Variants in FAM227A observed in about 807,000 individuals in gnomAD.
FAM227A encodes the protein protein FAM227A.
FAM227A carries 80 observed loss-of-function variants against 74.7 expected under a neutral mutation model. The ratio of observed to expected loss-of-function variants is 1.07; its 90% CI spans 0.89 to 1.29. The LOEUF is 1.29. FAM227A is among the 50% of genes most tolerant of loss of function. The probability of loss-of-function intolerance (pLI) is 0.00; values close to 1 mark genes in which losing one functional copy is unlikely to be tolerated. For missense variants in FAM227A, 654 were observed against 683.4 expected (o/e 0.96, Z 0.48); for synonymous variants, 237 against 241.8 (o/e 0.98, Z 0.19).
At chr22:38,612,418 G>A (rs1487159518) in intron 11 of FAM227A, among the ~76,000 whole-genome samples, 2 of 152,040 alleles carry the variant, frequency 1.3e-5, no homozygotes, top group Non-Finnish European at 2.9e-5. Flanking sequence ...TCGCCTCAGG[G>A]CCTTTGCACA....
rs559638614 is a variant in FAM227A, at chr22:38,616,206, G to A, written c.1038+4006C>T. 9.2e-5 allele frequency among the ~76,000 whole-genome samples: 14 copies of A among 152,326 alleles called. No homozygotes were observed. In the East Asian group the frequency reaches 1.3e-3, roughly 15 times the overall value. On this transcript the variant is annotated intron_variant, in intron 11 of 16. Transcript: ENST00000535113. ...AACAAAGAAGCCAAGAGAACAAAGCGTCTCAAGAAGATGGGAGTGGCCAAC... is the reference window on the plus strand; with the variant it reads ...AACAAAGAAGCCAAGAGAACAAAGCATCTCAAGAAGATGGGAGTGGCCAAC...
intron 2 of FAM227A, among the ~76,000 whole-genome samples, chr22:38,648,151 C>T (rs531275170): frequency 6.6e-6 from 1 of 152,122 alleles, no homozygotes; most frequent in South Asian, 2.1e-4. Context: ...TTCTGTGACC[C>T]TGGAATACAA....
Position 38,582,189 on chromosome 22 carries a change from T to C in FAM227A, c.*3936A>G. 1.5e-6 allele frequency: 1 copy of C among 681,792 alleles called. No homozygotes were observed. The highest frequency in any genetic ancestry group is 2.4e-6 in the Non-Finnish European group (1 of 410,086). The allele number at this position is 681,792 out of a possible 1,614,324, so 42.2% of individuals were successfully genotyped here. ...ATATCTGTCACCCCCAAAAGTTTAT[T>C]TGGGCCTCTTTGTAACCCCTTCCAG... is the stretch of plus-strand genomic sequence containing the variant. On this transcript the variant is annotated 3_prime_UTR_variant, in exon 17 of 17. Coordinates refer to ENST00000535113, the MANE Select transcript of FAM227A (RefSeq NM_001013647.2).
At chr22:38,627,516 C>G (rs1037769178) in intron 8 of FAM227A, among the ~76,000 whole-genome samples, 1 of 151,482 alleles carries the variant, frequency 6.6e-6, no homozygotes, top group Non-Finnish European at 1.5e-5. Context: ...TGCAGTGAGT[C>G]GAGATCATAC....
chr22:38,609,526 G>A (rs2091365657), intron 11 of FAM227A, among the ~76,000 whole-genome samples: 1 of 152,172 alleles, frequency 6.6e-6, no homozygotes, highest in Admixed American at 6.5e-5. Context: ...AGGATGAGTA[G>A]GAGGTTGGCA....
chr22:38,623,272 A>G lies in FAM227A; in HGVS notation c.858T>C (p.Tyr286=). 6.4e-7 allele frequency: 1 copy of G among 1,550,626 alleles called. No individual in the cohort carries two copies. Among genetic ancestry groups the G allele is most frequent in the African/African-American group, 1.4e-5 (1 of 73,130 alleles). Residue 286 remains tyrosine, a synonymous_variant, in exon 10 of 17, where the codon TAT becomes TAC. Transcript: ENST00000535113. ...AGCTGTCATAGCTCTGTGGGCTAGGATAGGTGCCTAAGGGAGGAGTCAAGA... is the reference window on the plus strand; with the variant it reads ...AGCTGTCATAGCTCTGTGGGCTAGGGTAGGTGCCTAAGGGAGGAGTCAAGA... The part of the protein sequence containing the change: ...NTMSLWISGT[Y]PSPQSYDSWD...
intron 4 of FAM227A, 61 bp downstream of exon 4, chr22:38,639,594 T>G: frequency 1.4e-6 from 2 of 1,467,772 alleles, no homozygotes; most frequent in Non-Finnish European, 1.9e-6. Context: ...CAGTTGCATT[T>G]TAGATACTAA....
rs2090689144 is a variant in FAM227A, at chr22:38,579,680, C to G, written c.*6445G>C. 6.6e-6 allele frequency: 1 copy of G among 152,192 alleles called. No individual in the cohort carries two copies. Among genetic ancestry groups the G allele is most frequent in the Non-Finnish European group, 1.5e-5 (1 of 68,036 alleles). 9.4% of individuals were successfully genotyped at this position (152,192 alleles called of 1,614,324 possible). A position where few individuals can be genotyped will look rare whatever the true frequency, so the allele number is the denominator to read the frequency against. ...TCACCTATACCTCCATCCACTTTCTCTCTCCCATATTATTTGAGTACAAAT... is the reference window on the plus strand; with the variant it reads ...TCACCTATACCTCCATCCACTTTCTGTCTCCCATATTATTTGAGTACAAAT... On this transcript the variant is annotated 3_prime_UTR_variant, in exon 17 of 17. Coordinates refer to ENST00000535113, the MANE Select transcript of FAM227A (RefSeq NM_001013647.2).
chr22:38,600,929 C>T (rs549865350), intron 13 of FAM227A, among the ~76,000 whole-genome samples: 10 of 145,362 alleles, frequency 6.9e-5, no homozygotes, highest in South Asian at 4.3e-4. Flanking sequence ...TCCAGCCTGG[C>T]GACAGAGTGA....
intron 9 of FAM227A, among the ~76,000 whole-genome samples, chr22:38,623,906 T>C (rs1444025098): frequency 6.6e-6 from 1 of 152,162 alleles, no homozygotes; most frequent in Non-Finnish European, 1.5e-5. Flanking sequence ...CAAGGATTAC[T>C]TGAGACATTT....
At chr22:38,596,374 C>T (rs1355449985) in intron 15 of FAM227A, among the ~76,000 whole-genome samples, 2 of 152,050 alleles carry the variant, frequency 1.3e-5, no homozygotes, top group Non-Finnish European at 2.9e-5. Context: ...CCTGGAGCAG[C>T]AGGTAAAGCC....
Position 38,605,294 on chromosome 22 carries a change from A to G in FAM227A, c.1181T>C (p.Ile394Thr), listed in dbSNP as rs2091260201. The change falls in exon 13 of 17, where the codon ATA (isoleucine) becomes ACA (threonine). Residue 394 changes from isoleucine to threonine, a missense_variant. Transcript: ENST00000535113. ...LKKPTQEVKR[I>T]SEARECENMF... ...ATTCTCACATTCTCTTGCTTCTGAT[A>G]TCCTCTTGACTTCTTGCGTAGGTTT... 1 of 1,551,102 alleles carries G rather than the reference A, an allele frequency of 6.4e-7. No individual in the cohort carries two copies.
intron 6 of FAM227A, among the ~76,000 whole-genome samples, chr22:38,634,038 G>C (rs2091958509): frequency 6.6e-6 from 1 of 151,668 alleles, no homozygotes; most frequent in Non-Finnish European, 1.5e-5. Context: ...GGCAAACATG[G>C]GGAAACCCTG....
chr22:38,594,013 C>T (rs1367146556), intron 15 of FAM227A, among the ~76,000 whole-genome samples: 1 of 152,026 alleles, frequency 6.6e-6, no homozygotes, highest in East Asian at 1.9e-4. Flanking sequence ...GTTTAAATAG[C>T]CCCTGTTACT....
chr22:38,616,169 CAA>C (rs1406123520), intron 11 of FAM227A, among the ~76,000 whole-genome samples: 2 of 152,138 alleles, frequency 1.3e-5, no homozygotes, highest in Non-Finnish European at 2.9e-5. Context: ...AAAACACTGT[CAA>C]AAGTTTGGCA....
At chr22:38,627,490 C>T (rs2091833278) in intron 8 of FAM227A, among the ~76,000 whole-genome samples, 1 of 151,874 alleles carries the variant, frequency 6.6e-6, no homozygotes, top group Admixed American at 6.6e-5. Flanking sequence ...ATTGCTTGAA[C>T]CCAGGAATTG....
At chr22:38,655,259 G>A (rs1173241147) in intron 1 of FAM227A, among the ~76,000 whole-genome samples, 1 of 152,074 alleles carries the variant, frequency 6.6e-6, no homozygotes, top group Non-Finnish European at 1.5e-5. Context: ...GCCAGGCGCA[G>A]TGGCCCGCAC....
At chr22:38,596,921 T>C (rs1445855634) in intron 15 of FAM227A, among the ~76,000 whole-genome samples, 3 of 151,920 alleles carry the variant, frequency 2.0e-5, no homozygotes, top group Non-Finnish European at 4.4e-5. Context: ...TATAGGAAAA[T>C]GTTGGCAATG....
chr22:38,624,648 C>CT (rs1281845664), intron 9 of FAM227A, among the ~76,000 whole-genome samples: 1 of 152,176 alleles, frequency 6.6e-6, no homozygotes, highest in Admixed American at 6.5e-5. Context: ...ACAGAGGTGT[C>CT]TATGTGACGA....
Sources: gnomAD v4.1 joint callset for allele counts (sites outside exome capture counted in the v4.1 genomes callset) on GRCh38, gnomAD v4.1.1 for gene constraint, MANE v1.5 for transcripts, NCBI Gene and HGNC (gene_info 2026-07-23, HGNC 2026-07-21) for gene names.